The following CNTN3 variants were observed in gnomAD, a reference collection of about 807,000 sequenced individuals.
The protein encoded by CNTN3 is contactin-3.
CNTN3 carries 60 observed loss-of-function variants against 119.1 expected under a neutral mutation model. The ratio of observed to expected loss-of-function variants is 0.50; its 90% CI spans 0.41 to 0.62. CNTN3 has a LOEUF of 0.62. Among genes scored for constraint, CNTN3 ranks in the 20% least tolerant of loss-of-function variants. The probability of loss-of-function intolerance (pLI) is 0.00; values close to 1 mark genes in which losing one functional copy is unlikely to be tolerated. For synonymous variants in CNTN3, 450 were observed against 438.7 expected, an observed-to-expected ratio of 1.03 and a Z score of -0.32; for missense variants, 1,101 against 1,242.4, an observed-to-expected ratio of 0.89 and a Z score of 1.71.
At chr3:74,421,399 A>G (rs906101329) in intron 5 of CNTN3, among the ~76,000 whole-genome samples, 1 of 152,026 alleles carries the variant, frequency 6.6e-6, no homozygotes, top group Non-Finnish European at 1.5e-5. Flanking sequence ...TGAACTCCTG[A>G]GCTCAAGCAA....
At chr3:74,575,627 A>ACACACG (rs1704403148) in intron 1 of CNTN3, among the ~76,000 whole-genome samples, 1 of 151,302 alleles carries the variant, frequency 6.6e-6, no homozygotes, top group South Asian at 2.1e-4. Context: ...ACACACACAC[A>ACACACG]CACACACACA....
intron 1 of CNTN3, among the ~76,000 whole-genome samples, chr3:74,595,107 G>T: frequency 6.6e-6 from 1 of 151,944 alleles, no homozygotes; most frequent in African/African-American, 2.4e-5. Flanking sequence ...TTTGAGAAGT[G>T]TCTGTTCATA....
At chr3:74,296,793 T>C (rs780008686) in intron 18 of CNTN3, among the ~76,000 whole-genome samples, 2 of 152,178 alleles carry the variant, frequency 1.3e-5, no homozygotes, top group Non-Finnish European at 2.9e-5. Context: ...TAATAGTGCC[T>C]ATATTTTTTA....
intron 1 of CNTN3, among the ~76,000 whole-genome samples, chr3:74,574,491 C>T (rs1223632372): frequency 3.3e-5 from 5 of 152,124 alleles, no homozygotes; most frequent in Non-Finnish European, 4.4e-5. Flanking sequence ...TTCTAAGATC[C>T]CTGCTTTATG....
chr3:74,600,582 C>G (rs1426194083), intron 1 of CNTN3, among the ~76,000 whole-genome samples: 2 of 152,032 alleles, frequency 1.3e-5, no homozygotes. Context: ...TAAAAGCTAT[C>G]TACAGAGATA....
chr3:74,394,776 C>T (rs1705002977), intron 5 of CNTN3, among the ~76,000 whole-genome samples: 1 of 151,590 alleles, frequency 6.6e-6, no homozygotes, highest in Admixed American at 6.6e-5. Context: ...AAGAAAACCA[C>T]TGCTTTCTTT....
chr3:74,480,421 G>C (rs1702742055), intron 4 of CNTN3, among the ~76,000 whole-genome samples: 1 of 151,998 alleles, frequency 6.6e-6, no homozygotes, highest in Non-Finnish European at 1.5e-5. Context: ...TCATATTGCT[G>C]TGGTGGTAAG....
At chr3:74,268,253 C>T (rs1305577451) in intron 20 of CNTN3, among the ~76,000 whole-genome samples, 1 of 152,078 alleles carries the variant, frequency 6.6e-6, no homozygotes, top group Non-Finnish European at 1.5e-5. Flanking sequence ...AATAGCAACA[C>T]AGATAGGGCA....
chr3:74,608,418 G>A (rs767060559), intron 1 of CNTN3, among the ~76,000 whole-genome samples: 21 of 151,992 alleles, frequency 1.4e-4, no homozygotes, highest in Non-Finnish European at 2.1e-4. Context: ...TCTTTCATAC[G>A]CTAATGTTTC....
At chr3:74,507,076 C>A (rs1226249874) in intron 2 of CNTN3, among the ~76,000 whole-genome samples, 1 of 152,092 alleles carries the variant, frequency 6.6e-6, no homozygotes. Flanking sequence ...AAATAATTAT[C>A]CAATGAAGAA....
At position 74,362,002 on chromosome 3, in the gene CNTN3, A is replaced by G; in HGVS notation, c.1252T>C (p.Leu418=). 6.2e-7 allele frequency: 1 copy of G among 1,613,616 alleles called. No homozygotes were observed. The highest frequency in any genetic ancestry group is 2.2e-5 in the East Asian group (1 of 44,858). ...AGGCTGCCCACCTGCACCTGAACCA[A>G]CTTCTTCATTGGATTCTTTGAAAAA... is the stretch of plus-strand genomic sequence containing the variant. The part of the protein sequence containing the change: ...PDFSKNPMKK[L]VQVQVGSLVS... Residue 418 remains leucine, a synonymous_variant, in exon 11 of 23, where the codon TTG becomes CTG. Transcript: ENST00000263665.
chr3:74,394,777 T>C (rs1163661872), intron 5 of CNTN3, among the ~76,000 whole-genome samples: 1 of 151,614 alleles, frequency 6.6e-6, no homozygotes, highest in Non-Finnish European at 1.5e-5. Context: ...AGAAAACCAC[T>C]GCTTTCTTTC....
chr3:74,544,896 C>A (rs1469543989), intron 1 of CNTN3, among the ~76,000 whole-genome samples: 2 of 152,086 alleles, frequency 1.3e-5, no homozygotes, highest in African/African-American at 4.8e-5. Flanking sequence ...CCATGCCCGG[C>A]CGATGAATCT....
chr3:74,479,189 T>C (rs949426138), intron 4 of CNTN3, among the ~76,000 whole-genome samples: 3 of 151,974 alleles, frequency 2.0e-5, no homozygotes, highest in Non-Finnish European at 4.4e-5. Flanking sequence ...CAGGAAATCA[T>C]AAAATCTCCC....
At chr3:74,438,020 A>G (rs1701900931) in intron 4 of CNTN3, among the ~76,000 whole-genome samples, 1 of 152,226 alleles carries the variant, frequency 6.6e-6, no homozygotes, top group African/African-American at 2.4e-5. Context: ...AGGAGTTTTA[A>G]CCATTAGTTA....
At chr3:74,378,347 G>T (rs1704529155) in intron 5 of CNTN3, among the ~76,000 whole-genome samples, 1 of 152,180 alleles carries the variant, frequency 6.6e-6, no homozygotes, top group Admixed American at 6.5e-5. Context: ...ACATTTCGTT[G>T]CATTATCTTT....
intron 1 of CNTN3, among the ~76,000 whole-genome samples, chr3:74,558,721 C>T (rs1341572317): frequency 6.6e-6 from 1 of 152,028 alleles, no homozygotes; most frequent in African/African-American, 2.4e-5. Flanking sequence ...GTGGTTCACA[C>T]CTGTAATCCC....
At chr3:74,404,819 G>A (rs761924559) in intron 5 of CNTN3, among the ~76,000 whole-genome samples, 3 of 151,894 alleles carry the variant, frequency 2.0e-5, no homozygotes, top group Non-Finnish European at 4.4e-5. Context: ...TTAAAATTCA[G>A]TCTCTAGTTT....
chr3:74,582,788 T>C (rs1309430265), intron 1 of CNTN3, among the ~76,000 whole-genome samples: 1 of 148,302 alleles, frequency 6.7e-6, no homozygotes, highest in Admixed American at 6.7e-5. Context: ...TGCATTTGTG[T>C]GTGTGTGTGT....
Sources: allele counts gnomAD v4.1 joint callset (sites outside exome capture counted in the v4.1 genomes callset), GRCh38; gene constraint gnomAD v4.1.1; transcripts MANE v1.5; gene names NCBI Gene and HGNC (gene_info 2026-07-23, HGNC 2026-07-21).